The following MAGI2 variants were observed in gnomAD, a reference collection of about 807,000 sequenced individuals.
The protein encoded by MAGI2 is membrane-associated guanylate kinase, WW and PDZ domain-containing protein 2.
MAGI2 carries 35 observed loss-of-function variants against 133.3 expected under a neutral mutation model. The observed-to-expected ratio is 0.26, with a 90% CI of 0.20 to 0.35. The LOEUF (loss-of-function observed/expected upper bound fraction) is 0.35. Ranked by LOEUF, MAGI2 falls within the 10% of genes least tolerant of loss-of-function variation. The pLI is 1.00. For missense variants in MAGI2, 1,636 were observed against 1,863.4 expected (o/e 0.88, Z 2.25); for synonymous variants, 729 against 710.6 (o/e 1.03, Z -0.41).
At chr7:78,610,825 T>C (rs1020944521) in intron 3 of MAGI2, among the ~76,000 whole-genome samples, 6 of 152,074 alleles carry the variant, frequency 3.9e-5, no homozygotes, top group Admixed American at 1.3e-4. Context: ...GAGGCACAAA[T>C]AGAAGAGCAA....
intron 2 of MAGI2, among the ~76,000 whole-genome samples, chr7:78,740,116 G>C (rs189290867): frequency 2.0e-5 from 3 of 151,302 alleles, no homozygotes; most frequent in Non-Finnish European, 4.4e-5. Context: ...AGCCGAGATC[G>C]CGCCACTGCA....
chr7:78,430,932 CCAT>C (rs1339370271), intron 6 of MAGI2, among the ~76,000 whole-genome samples: 3 of 152,050 alleles, frequency 2.0e-5, no homozygotes, highest in Non-Finnish European at 2.9e-5. Context: ...AGAGAAAGTT[CCAT>C]CAAGTTCAAT....
At chr7:78,292,586 T>TAA (rs1796830395) in intron 9 of MAGI2, among the ~76,000 whole-genome samples, 1 of 152,164 alleles carries the variant, frequency 6.6e-6, no homozygotes, top group Non-Finnish European at 1.5e-5. Flanking sequence ...AAAACTATTT[T>TAA]AAAGTTCAGA....
chr7:78,681,968 A>G lies in MAGI2; in HGVS notation c.419-54729T>C, dbSNP rs189303326. 2.6e-3 allele frequency among the ~76,000 whole-genome samples: 386 copies of G among 150,994 alleles called. 1 individual carries two copies. The highest frequency in any genetic ancestry group is 6.8e-3 in the Middle Eastern group (2 of 294). On this transcript the variant is annotated intron_variant, in intron 2 of 21. Transcript: ENST00000354212. ...CGAAAGAATAGTCTTTAGGGCAAAG[A>G]CAAAAATGCAATGACCAAGTAAATT...
At chr7:78,022,993 G>A (rs1050160103) in intron 21 of MAGI2, among the ~76,000 whole-genome samples, 2 of 152,184 alleles carry the variant, frequency 1.3e-5, no homozygotes, top group Non-Finnish European at 1.5e-5. Flanking sequence ...ATATCACAAA[G>A]TGATTTAAAA....
At chr7:78,470,680 C>T (rs1263308300) in intron 6 of MAGI2, among the ~76,000 whole-genome samples, 1 of 151,980 alleles carries the variant, frequency 6.6e-6, no homozygotes, top group African/African-American at 2.4e-5. Context: ...TAATTTGGGC[C>T]AGTCACTAAA....
At chr7:79,349,802 C>T (rs1463386051) in intron 1 of MAGI2, among the ~76,000 whole-genome samples, 1 of 151,988 alleles carries the variant, frequency 6.6e-6, no homozygotes, top group Non-Finnish European at 1.5e-5. Flanking sequence ...TTAGAATTAA[C>T]TTTAGAGCCA....
At chr7:78,331,924 A>C (rs1789247073) in intron 9 of MAGI2, among the ~76,000 whole-genome samples, 1 of 152,226 alleles carries the variant, frequency 6.6e-6, no homozygotes, top group African/African-American at 2.4e-5. Flanking sequence ...ATTTAAGTGC[A>C]TTGACTTCCA....
At chr7:78,954,461 G>A (rs1411512936) in intron 2 of MAGI2, among the ~76,000 whole-genome samples, 1 of 152,056 alleles carries the variant, frequency 6.6e-6, no homozygotes, top group African/African-American at 2.4e-5. Flanking sequence ...AATGAAACAA[G>A]GTAAGTCATA....
chr7:78,396,356 C>G (rs1434714560), intron 6 of MAGI2, among the ~76,000 whole-genome samples: 1 of 152,130 alleles, frequency 6.6e-6, no homozygotes, highest in Non-Finnish European at 1.5e-5. Context: ...CCTCTCTGTT[C>G]TCTATAGGCC....
intron 1 of MAGI2, among the ~76,000 whole-genome samples, chr7:79,343,889 T>C (rs1390190315): frequency 6.6e-6 from 1 of 152,134 alleles, no homozygotes; most frequent in Non-Finnish European, 1.5e-5. Flanking sequence ...ATTACATCCA[T>C]CCATGTATCT....
At chr7:78,740,167 A>C (rs956016791) in intron 2 of MAGI2, among the ~76,000 whole-genome samples, 1 of 151,738 alleles carries the variant, frequency 6.6e-6, no homozygotes, top group Non-Finnish European at 1.5e-5. Context: ...TCTAAAAAAA[A>C]AAAAACAAAA....
chr7:78,620,011 T>A (rs1217369872), intron 3 of MAGI2, among the ~76,000 whole-genome samples: 1 of 151,898 alleles, frequency 6.6e-6, no homozygotes, highest in East Asian at 1.9e-4. Flanking sequence ...CCCTTTTAAC[T>A]TTAAGTGCCA....
intron 1 of MAGI2, among the ~76,000 whole-genome samples, chr7:79,339,458 G>GTTT (rs1474615393): frequency 1.1e-3 from 118 of 103,338 alleles, no homozygotes; most frequent in African/African-American, 6.2e-3. Flanking sequence ...GTTTGTTTTT[G>GTTT]TTTTTGTTTT....
chr7:78,539,562 T>C lies in MAGI2; in HGVS notation c.539-17917A>G, dbSNP rs201611466. ...ACTTTCCTCTAAGCACTACTTTTGCTGTATTCCAGAGCTATTCACAGGTTG... is the reference window on the plus strand; with the variant it reads ...ACTTTCCTCTAAGCACTACTTTTGCCGTATTCCAGAGCTATTCACAGGTTG... On this transcript the variant is annotated intron_variant, in intron 3 of 21. Transcript: ENST00000354212. Among the ~76,000 whole-genome samples, 8 of 152,348 alleles carry C rather than the reference T, an allele frequency of 5.3e-5. No individual in the cohort carries two copies. The East Asian group carries it at 1.3e-3, about 26-fold the overall frequency.
chr7:78,284,561 T>C (rs1795961425), intron 9 of MAGI2, among the ~76,000 whole-genome samples: 1 of 152,026 alleles, frequency 6.6e-6, no homozygotes, highest in Admixed American at 6.6e-5. Context: ...AGCTGAACTT[T>C]TGAAGTGCTG....
chr7:78,996,917 G>A (rs1806360335), intron 2 of MAGI2, among the ~76,000 whole-genome samples: 2 of 152,114 alleles, frequency 1.3e-5, no homozygotes, highest in Admixed American at 1.3e-4. Context: ...GTAACTCAGA[G>A]CAAGACCTGT....
At chr7:79,241,269 A>G (rs559998419) in intron 1 of MAGI2, among the ~76,000 whole-genome samples, 1 of 152,340 alleles carries the variant, frequency 6.6e-6, no homozygotes, top group Non-Finnish European at 1.5e-5. Flanking sequence ...AAACAGAATC[A>G]TTCTTTTCTA....
At chr7:78,679,535 A>G (rs1038566315) in intron 2 of MAGI2, among the ~76,000 whole-genome samples, 4 of 66,530 alleles carry the variant, frequency 6.0e-5, no homozygotes, top group Non-Finnish European at 1.2e-4. Context: ...CACAGCTCTA[A>G]CCTAATAGTG....
Sources: allele counts gnomAD v4.1 joint callset (sites outside exome capture counted in the v4.1 genomes callset), GRCh38; gene constraint gnomAD v4.1.1; transcripts MANE v1.5; gene names NCBI Gene and HGNC (gene_info 2026-07-23, HGNC 2026-07-21).